LOXL2: variants seen among roughly 807,000 people sequenced by gnomAD.
The protein encoded by LOXL2 is lysyl oxidase like 2, also known as lysyl oxidase homolog 2.
Under a neutral mutation model 93.0 loss-of-function variants are expected in LOXL2, and 70 were observed. The ratio of observed to expected loss-of-function variants is 0.75; its 90% CI spans 0.62 to 0.92. The LOEUF (loss-of-function observed/expected upper bound fraction) is 0.92, where lower values mean the gene tolerates loss of function less well. Among genes scored for constraint, LOXL2 ranks in the 40% least tolerant of loss-of-function variants. The pLI, the probability that LOXL2 is intolerant of heterozygous loss-of-function variation, is 0.00. For synonymous variants in LOXL2, 438 were observed against 413.2 expected, an observed-to-expected ratio of 1.06 and a Z score of -0.73; for missense variants, 973 against 1,054.9, an observed-to-expected ratio of 0.92 and a Z score of 1.08.
intron 3 of LOXL2, among the ~76,000 whole-genome samples, chr8:23,348,319 T>C (rs1476604372): frequency 1.3e-5 from 2 of 151,280 alleles, no homozygotes; most frequent in African/African-American, 4.9e-5. Context: ...GATGGGTTGA[T>C]GGGTGCAGCG....
chr8:23,360,863 C>T (rs997628778), intron 2 of LOXL2, among the ~76,000 whole-genome samples: 1 of 152,074 alleles, frequency 6.6e-6, no homozygotes, highest in African/African-American at 2.4e-5. Context: ...AAAGTAAACT[C>T]TCCTGCCACT....
intron 3 of LOXL2, among the ~76,000 whole-genome samples, chr8:23,351,935 C>T (rs772317625): frequency 5.3e-5 from 8 of 152,170 alleles, no homozygotes; most frequent in Non-Finnish European, 1.2e-4. Context: ...AAGCGATTCT[C>T]GAGTAGCTGG....
At chr8:23,336,210 C>G (rs1433577120) in intron 4 of LOXL2, 2 of 152,440 alleles carry the variant, frequency 1.3e-5, no homozygotes, top group African/African-American at 4.8e-5. Context: ...GCGCCACCCT[C>G]TCCAGGAACA....
intron 1 of LOXL2, among the ~76,000 whole-genome samples, chr8:23,393,306 A>C (rs1344492275): frequency 1.3e-5 from 2 of 152,242 alleles, no homozygotes; most frequent in African/African-American, 4.8e-5. Context: ...TCCTGTTTTC[A>C]AAACTTACTA....
At chr8:23,390,169 C>T (rs980180123) in intron 1 of LOXL2, among the ~76,000 whole-genome samples, 15 of 152,196 alleles carry the variant, frequency 9.9e-5, no homozygotes, top group African/African-American at 3.4e-4. Context: ...GGTCCTCATT[C>T]ATGGCCCAGA....
intron 2 of LOXL2, among the ~76,000 whole-genome samples, chr8:23,362,791 A>AT (rs902338283): frequency 1.3e-5 from 2 of 151,780 alleles, no homozygotes; most frequent in African/African-American, 2.4e-5. Context: ...TTTGGCCATA[A>AT]TTTTTTTTTA....
chr8:23,330,256 C>A (rs1803650228), intron 5 of LOXL2, among the ~76,000 whole-genome samples: 1 of 152,200 alleles, frequency 6.6e-6, no homozygotes, highest in Non-Finnish European at 1.5e-5. Context: ...ATGGCGTGAA[C>A]CCGGGAGGCG....
intron 4 of LOXL2, 66 bp from the exon 5 acceptor site, chr8:23,333,689 C>T (rs971816328): frequency 1.6e-5 from 21 of 1,301,222 alleles, no homozygotes; most frequent in African/African-American, 2.9e-5. Flanking sequence ...CCTTCTGCAA[C>T]GAGGCAGAAC....
At chr8:23,361,543 T>G (rs530445012) in intron 2 of LOXL2, among the ~76,000 whole-genome samples, 1 of 152,184 alleles carries the variant, frequency 6.6e-6, no homozygotes, top group African/African-American at 2.4e-5. Context: ...GGATGGCTAC[T>G]ATCAAAAAAA....
intron 6 of LOXL2, among the ~76,000 whole-genome samples, chr8:23,324,255 T>C (rs1267693507): frequency 1.8e-4 from 27 of 152,292 alleles, no homozygotes; most frequent in Admixed American, 1.7e-3. Flanking sequence ...GTCTCAGCCA[T>C]CTGGGGTCAG....
intron 9 of LOXL2, among the ~76,000 whole-genome samples, chr8:23,311,459 T>C (rs908093549): frequency 6.6e-6 from 1 of 152,250 alleles, no homozygotes; most frequent in Non-Finnish European, 1.5e-5. Flanking sequence ...GAGGGTGTCA[T>C]GTGAGCCTCT....
intron 1 of LOXL2, among the ~76,000 whole-genome samples, chr8:23,371,730 C>T (rs1052483674): frequency 4.5e-5 from 5 of 111,862 alleles, no homozygotes; most frequent in African/African-American, 7.1e-5. Context: ...CCAGCCTGGG[C>T]GAAAGAGTGA....
chr8:23,382,160 G>T (rs1033600517), intron 1 of LOXL2, among the ~76,000 whole-genome samples: 2 of 152,184 alleles, frequency 1.3e-5, no homozygotes, highest in African/African-American at 2.4e-5. Flanking sequence ...ATTACACCCA[G>T]AAAACCATGT....
intron 2 of LOXL2, among the ~76,000 whole-genome samples, chr8:23,361,670 G>A (rs888348897): frequency 2.0e-5 from 3 of 152,006 alleles, no homozygotes; most frequent in East Asian, 1.9e-4. Context: ...GTGAAACCCC[G>A]TCTCTACTAA....
At position 23,297,309 on chromosome 8, in the gene LOXL2, T is replaced by C. The variant is rs967173581; in HGVS notation, c.*734A>G. 6.6e-6 allele frequency: 1 copy of C among 152,178 alleles called. No individual in the cohort carries two copies. The highest frequency in any genetic ancestry group is 1.5e-5 in the Non-Finnish European group (1 of 68,054). 9.4% of individuals were successfully genotyped at this position (152,178 alleles called of 1,614,324 possible). ...ACCGTTGAATCAAAAACCCACAGAA[T>C]TGGAACAACAGGAAGATGAGTCACT... On this transcript the variant is annotated 3_prime_UTR_variant, in exon 14 of 14. Transcript: ENST00000389131.
At chr8:23,339,462 G>A (rs1803845802) in intron 4 of LOXL2, among the ~76,000 whole-genome samples, 1 of 152,162 alleles carries the variant, frequency 6.6e-6, no homozygotes, top group Non-Finnish European at 1.5e-5. Context: ...ATTACCCAGG[G>A]CCCAGCTGCC....
chr8:23,307,953 G>GGAAAAAAAAAAAAAAAAAAAA lies in LOXL2; in HGVS notation c.1880+1714_1880+1715insTTTTTTTTTTTTTTTTTTTTC, dbSNP rs58347035. 4.5e-4 allele frequency among the ~76,000 whole-genome samples: 38 copies of GGAAAAAAAAAAAAAAAAAAAA among 83,552 alleles called. 17 individuals are homozygous for GGAAAAAAAAAAAAAAAAAAAA. Among genetic ancestry groups the GGAAAAAAAAAAAAAAAAAAAA allele is most frequent in the Admixed American group, 9.8e-4 (5 of 5,110 alleles). The allele number at this position is 83,552 out of a possible 152,430, so 54.8% of individuals were successfully genotyped here. A position where few individuals can be genotyped will look rare whatever the true frequency, so the allele number is the denominator to read the frequency against. On this transcript the variant is annotated intron_variant, in intron 10 of 13. Transcript: ENST00000389131. ...GTGACTAGGTCATCAGCTGCGATAT[G>GGAAAAAAAAAAAAAAAAAAAA]AAAAAAAAAAAAAAAAAAAAGCCAA...
chr8:23,328,709 ATGTGTGTGTGTGTGTG>A (rs60768341), intron 5 of LOXL2, 144 bp from the exon 6 acceptor site: 11 of 460,372 alleles, frequency 2.4e-5, no homozygotes, highest in African/African-American at 1.2e-4. Flanking sequence ...TGATGTATGG[ATGTGTGTGTGTGTGTG>A]TGTGTGTGTG....
At chr8:23,392,167 G>C (rs574782566) in intron 1 of LOXL2, among the ~76,000 whole-genome samples, 25 of 152,312 alleles carry the variant, frequency 1.6e-4, no homozygotes, top group African/African-American at 6.0e-4. Context: ...TGATGGCAGG[G>C]GCAGCTGGCA....
Sources: gnomAD v4.1 joint callset for allele counts (sites outside exome capture counted in the v4.1 genomes callset) on GRCh38, gnomAD v4.1.1 for gene constraint, MANE v1.5 for transcripts, NCBI Gene and HGNC (gene_info 2026-07-23, HGNC 2026-07-21) for gene names.